The following DIP2A variants were observed in gnomAD, a reference collection of about 807,000 sequenced individuals.
DIP2A encodes DIP2 acetate--CoA ligase A, also known as disco-interacting protein 2 homolog A.
A neutral mutation model predicts 177.4 loss-of-function variants in DIP2A; 85 were observed. The observed-to-expected ratio is 0.48, with a 90% CI of 0.40 to 0.57. DIP2A has a LOEUF of 0.57. Ranked by LOEUF, DIP2A falls within the 20% of genes least tolerant of loss-of-function variation. The probability of loss-of-function intolerance (pLI) is 0.00; values close to 1 mark genes in which losing one functional copy is unlikely to be tolerated. For missense variants in DIP2A, 1,791 were observed against 2,100.2 expected, an observed-to-expected ratio of 0.85 and a Z score of 2.88; for synonymous variants, 886 against 881.8, an observed-to-expected ratio of 1.00 and a Z score of -0.08.
At chr21:46,530,106 T>C (rs558372178) in intron 9 of DIP2A, among the ~76,000 whole-genome samples, 27 of 152,326 alleles carry the variant, frequency 1.8e-4, no homozygotes, top group Admixed American at 6.5e-4. Flanking sequence ...GAAACTTCTG[T>C]TGGACAGTAC....
chr21:46,460,974 A>T (rs953983689), intron 1 of DIP2A, among the ~76,000 whole-genome samples: 2 of 151,262 alleles, frequency 1.3e-5, no homozygotes, highest in Non-Finnish European at 2.9e-5. Context: ...GATTACAGGC[A>T]TGAGCCACCG....
chr21:46,471,401 C>G (rs1304841957), intron 1 of DIP2A, among the ~76,000 whole-genome samples: 1 of 152,096 alleles, frequency 6.6e-6, no homozygotes, highest in Non-Finnish European at 1.5e-5. Context: ...CGGAACTATC[C>G]CATATTCCCC....
intron 3 of DIP2A, among the ~76,000 whole-genome samples, chr21:46,493,804 T>G (rs1056675932): frequency 2.0e-5 from 3 of 152,206 alleles, no homozygotes; most frequent in Middle Eastern, 3.2e-3. Flanking sequence ...TTTAAATGTT[T>G]TCAGACATTT....
At chr21:46,546,110 CCCTA>C in intron 20 of DIP2A, 149 bp downstream of exon 20, 1 of 1,489,302 alleles carries the variant, frequency 6.7e-7, no homozygotes. Flanking sequence ...CTGCCCATCA[CCCTA>C]CCTGTGTGCA....
chr21:46,459,123 G>C lies in DIP2A; in HGVS notation c.-9G>C, dbSNP rs1466685144. ...TCCAGCCTCTGCCCGGACGCTAGCC[G>C]GCCTGGCCATGGCTGACCGCGGGTG... is the stretch of plus-strand genomic sequence containing the variant. On this transcript the variant is annotated 5_prime_UTR_variant, in exon 1 of 38. Transcript: ENST00000417564. The C allele has an allele frequency of 6.7e-7, 1 of 1,491,484 alleles. No homozygotes were observed. The highest frequency in any genetic ancestry group is 1.3e-5 in the South Asian group (1 of 77,530). The allele number at this position is 1,491,484 out of a possible 1,614,324, so 92.4% of individuals were successfully genotyped here.
intron 13 of DIP2A, among the ~76,000 whole-genome samples, chr21:46,536,715 C>T (rs1474441003): frequency 1.3e-5 from 2 of 152,026 alleles, no homozygotes; most frequent in Non-Finnish European, 2.9e-5. Context: ...ACCAGCCTGG[C>T]CAACGTGGTG....
chr21:46,490,856 A>G (rs951877449), intron 3 of DIP2A, 137 bp downstream of exon 3: 1 of 1,124,066 alleles, frequency 8.9e-7, no homozygotes, highest in Middle Eastern at 3.0e-4. Context: ...AGTAATGTAC[A>G]TCATCATATT....
chr21:46,565,073 C>T (rs984755657), intron 35 of DIP2A, among the ~76,000 whole-genome samples: 16 of 152,226 alleles, frequency 1.1e-4, no homozygotes, highest in Non-Finnish European at 1.9e-4. Context: ...GGGTTCTGGA[C>T]GGACTCTCTC....
At chr21:46,495,244 T>TTCTCTTCTCTTCTCTTCTC (rs2057275285) in intron 3 of DIP2A, among the ~76,000 whole-genome samples, 1 of 38,176 alleles carries the variant, frequency 2.6e-5, no homozygotes, top group African/African-American at 1.2e-4. Context: ...CTTCTCTTCT[T>TTCTCTTCTCTTCTCTTCTC]TCTCTCTCTC....
chr21:46,511,887 G>A (rs572447922), intron 8 of DIP2A, among the ~76,000 whole-genome samples: 1 of 152,110 alleles, frequency 6.6e-6, no homozygotes, highest in African/African-American at 2.4e-5. Flanking sequence ...TTTCAACTTT[G>A]TATAAGGGGA....
At chr21:46,517,054 CTTTTTTTTT>C (rs71318086) in intron 8 of DIP2A, among the ~76,000 whole-genome samples, 5 of 60,878 alleles carry the variant, frequency 8.2e-5, no homozygotes, top group Non-Finnish European at 1.2e-4. Flanking sequence ...TTTTCTCTCT[CTTTTTTTTT>C]TTTTTTTTTT....
intron 7 of DIP2A, among the ~76,000 whole-genome samples, chr21:46,509,976 G>A (rs2058226327): frequency 6.6e-6 from 1 of 152,160 alleles, no homozygotes; most frequent in South Asian, 2.1e-4. Flanking sequence ...ATAGCTTTCA[G>A]GAGATTATTT....
the DIP2A span, among the ~76,000 whole-genome samples, chr21:46,576,197 C>T: frequency 6.6e-5 from 10 of 152,238 alleles, no homozygotes; most frequent in Admixed American, 5.9e-4. Context: ...AAACATGTGC[C>T]ATGGTGATTT....
intron 1 of DIP2A, among the ~76,000 whole-genome samples, chr21:46,463,653 CTTTAA>C (rs1294338024): frequency 2.0e-5 from 3 of 149,724 alleles, no homozygotes; most frequent in Non-Finnish European, 4.5e-5. Context: ...CTTTAACTGT[CTTTAA>C]TTTCTAAAAT....
At chr21:46,525,413 C>T (rs1451895382) in intron 8 of DIP2A, among the ~76,000 whole-genome samples, 1 of 152,210 alleles carries the variant, frequency 6.6e-6, no homozygotes, top group African/African-American at 2.4e-5. Flanking sequence ...GCCCTTGCCC[C>T]ACTCTTCTGT....
chr21:46,550,711 A>G lies in DIP2A; in HGVS notation c.2806A>G (p.Thr936Ala). ...GCTGATGTGCCCTCACACCTGTGTTACCAACCTCCCCAAACCTCGTCAGAA... is the reference window on the plus strand; with the variant it reads ...GCTGATGTGCCCTCACACCTGTGTTGCCAACCTCCCCAAACCTCGTCAGAA... ...NVLMCPHTCV[T>A]NLPKPRQKQP... Residue 936 changes from threonine to alanine, a missense_variant, in exon 23 of 38, where the codon ACC (threonine) becomes GCC (alanine). Thr to Ala is a moderately conservative substitution (Grantham distance 58). Coordinates refer to ENST00000417564, the MANE Select transcript of DIP2A (RefSeq NM_015151.4). 1 of 1,614,042 alleles carries G rather than the reference A, an allele frequency of 6.2e-7. No individual in the cohort carries two copies.
the DIP2A span, among the ~76,000 whole-genome samples, chr21:46,582,867 G>A: frequency 1.3e-5 from 2 of 151,920 alleles, no homozygotes; most frequent in South Asian, 2.1e-4. Context: ...ATTATATAAT[G>A]GTAAGACTAT....
chr21:46,523,451 T>G (rs1308255863), intron 8 of DIP2A, among the ~76,000 whole-genome samples: 2 of 148,026 alleles, frequency 1.4e-5, no homozygotes, highest in South Asian at 2.2e-4. Context: ...TTCACCATGT[T>G]GGCCAGGCTG....
intron 11 of DIP2A, 138 bp downstream of exon 11, chr21:46,533,785 C>A: frequency 7.4e-7 from 1 of 1,358,452 alleles, no homozygotes; most frequent in Non-Finnish European, 1.0e-6. Context: ...CTTGGTGAAT[C>A]TCGGTTTTCA....
Sources: allele counts gnomAD v4.1 joint callset (sites outside exome capture counted in the v4.1 genomes callset), GRCh38; gene constraint gnomAD v4.1.1; transcripts MANE v1.5; gene names NCBI Gene and HGNC (gene_info 2026-07-23, HGNC 2026-07-21).